The following RILPL2 variants were observed in gnomAD, a reference collection of about 807,000 sequenced individuals.
RILPL2 encodes RILP-like protein 2.
In RILPL2, 19 loss-of-function variants were observed where a neutral mutation model predicts 22.2. The observed-to-expected ratio is 0.86, with a 90% CI of 0.60 to 1.25. RILPL2 has a LOEUF of 1.25. RILPL2 is among the 50% of genes most tolerant of loss of function. The pLI is 0.00. For synonymous variants in RILPL2, 123 were observed against 111.6 expected, an observed-to-expected ratio of 1.10 and a Z score of -0.64; for missense variants, 243 against 263.6, an observed-to-expected ratio of 0.92 and a Z score of 0.54.
At chr12:123,410,651 T>A (rs1878946240), downstream of RILPL2, 2 of 151,656 alleles carry the variant, frequency 1.3e-5, no homozygotes, top group South Asian at 4.1e-4. Flanking sequence ...TTTCCCTCCC[T>A]GTAACATGGA....
chr12:123,432,728 TG>T (rs140130578), intron 1 of RILPL2, among the ~76,000 whole-genome samples: 3,228 of 152,262 alleles, frequency 0.021, 133 homozygotes, highest in African/African-American at 0.073. Flanking sequence ...CGGCTCATAA[TG>T]GGGACTTCCT....
Position 123,436,481 on chromosome 12 carries a change from T to C in RILPL2, c.-61A>G. 6.6e-7 allele frequency: 1 copy of C among 1,506,766 alleles called. No individual in the cohort carries two copies. Among genetic ancestry groups the C allele is most frequent in the Non-Finnish European group, 8.9e-7 (1 of 1,129,480 alleles). 93.3% of individuals were successfully genotyped at this position (1,506,766 alleles called of 1,614,324 possible). A position where few individuals can be genotyped will look rare whatever the true frequency, so the allele number is the denominator to read the frequency against. ...TCTTGGAGTCTCCCAAAGGTTAGACTTCCTCCCGGCACCCAAAACTTTCCG... is the reference window on the plus strand; with the variant it reads ...TCTTGGAGTCTCCCAAAGGTTAGACCTCCTCCCGGCACCCAAAACTTTCCG... On this transcript the variant is annotated 5_prime_UTR_variant, in exon 1 of 4. Coordinates refer to ENST00000280571, the MANE Select transcript of RILPL2 (RefSeq NM_145058.3). This position sits in a 1 kb window ranked among gnomAD's most constrained non-coding sequence, Gnocchi z 6.7.
rs1879781825 is a variant in RILPL2, at chr12:123,435,981, A to G, written c.339+101T>C. ...CATCTCTTAAAAAAAGAAAAAAGAG[A>G]AAAGAGAAGAGAAAAGAAAAGGAAG... On this transcript the variant is annotated intron_variant, in intron 1 of 3. Coordinates refer to ENST00000280571, the MANE Select transcript of RILPL2 (RefSeq NM_145058.3). 3 of 1,432,214 alleles carry G rather than the reference A, an allele frequency of 2.1e-6. No individual in the cohort carries two copies. The Admixed American group carries it at 8.3e-5, about 40-fold the overall frequency. 88.7% of individuals were successfully genotyped at this position (1,432,214 alleles called of 1,614,324 possible).
downstream of RILPL2, chr12:123,413,641 G>A (rs28886709): frequency 0.3 from 45,426 of 152,116 alleles, 8,579 homozygotes; most frequent in East Asian, 0.7. Flanking sequence ...TCCACAATGC[G>A]GAAAGGAACC....
intron 2 of RILPL2, among the ~76,000 whole-genome samples, 193 bp downstream of exon 2, chr12:123,430,315 A>C (rs1328976191): frequency 1.3e-5 from 2 of 151,510 alleles, no homozygotes; most frequent in East Asian, 3.9e-4. Flanking sequence ...AGGCTGAGGC[A>C]GGAGAATGGC....
intron 3 of RILPL2, among the ~76,000 whole-genome samples, chr12:123,420,729 G>A (rs919952512): frequency 4.6e-5 from 7 of 152,098 alleles, no homozygotes; most frequent in African/African-American, 1.2e-4. Flanking sequence ...CAGCCACTGC[G>A]CCCGGTCGAG....
rs1367873672 is a variant in RILPL2 at position 123,436,345 on chromosome 12, C to G, written c.76G>C (p.Glu26Gln). The change falls in exon 1 of 4, where the codon GAG becomes CAG. Residue 26 changes from glutamate to glutamine, a missense_variant. Transcript: ENST00000280571. This position sits in a 1 kb window ranked among gnomAD's most constrained non-coding sequence, Gnocchi z 6.7. Reference sequence around the variant, plus strand: ...AAGGGGCTCTTGCCCAGCGCCCCCTCGGGCCCAACCTCGTCCCTCTCCTCG... The same window carrying G: ...AAGGGGCTCTTGCCCAGCGCCCCCTGGGGCCCAACCTCGTCCCTCTCCTCG... ...EDEERDEVGPEGALGKSPFQL... is the reference protein window; with the variant it reads ...EDEERDEVGPQGALGKSPFQL... 1.3e-6 allele frequency: 2 copies of G among 1,562,856 alleles called. No individual in the cohort carries two copies. Among genetic ancestry groups the G allele is most frequent in the Non-Finnish European group, 8.7e-7 (1 of 1,153,660 alleles).
intron 2 of RILPL2, among the ~76,000 whole-genome samples, chr12:123,426,893 C>T (rs892027654): frequency 7.3e-5 from 11 of 151,674 alleles, no homozygotes; most frequent in Non-Finnish European, 1.0e-4. Flanking sequence ...TGAGCCACCG[C>T]GGCCAGCCGA....
Position 123,415,656 on chromosome 12 carries a change from T to G in RILPL2, c.*235A>C. On this transcript the variant is annotated 3_prime_UTR_variant, in exon 4 of 4. Coordinates refer to ENST00000280571, the MANE Select transcript of RILPL2 (RefSeq NM_145058.3). ...CCCCCACCCTGCACATCCCTTCTGTTTTTCTTGATTTCAGTCTCACTGGCC... is the reference window on the plus strand; with the variant it reads ...CCCCCACCCTGCACATCCCTTCTGTGTTTCTTGATTTCAGTCTCACTGGCC... 1.6e-6 allele frequency: 1 copy of G among 630,030 alleles called. No homozygotes were observed. The allele number at this position is 630,030 out of a possible 1,614,324, so 39.0% of individuals were successfully genotyped here.
downstream of RILPL2, chr12:123,410,629 C>G (rs1178945806): frequency 2.0e-5 from 3 of 151,704 alleles, no homozygotes; most frequent in Admixed American, 2.0e-4. Context: ...ACGTAGTCTC[C>G]TTGTGCGTCA....
At chr12:123,432,088 G>A (rs1360097717) in intron 1 of RILPL2, among the ~76,000 whole-genome samples, 1 of 151,848 alleles carries the variant, frequency 6.6e-6, no homozygotes, top group African/African-American at 2.4e-5. Context: ...TAGAAACAGG[G>A]TTTCACCATG....
At chr12:123,423,203 GTT>G (rs71085902) in intron 2 of RILPL2, 46 bp from the exon 3 acceptor site, 8,548 of 810,700 alleles carry the variant, frequency 0.011, no homozygotes, top group South Asian at 0.012. Flanking sequence ...ATTACAGATC[GTT>G]TTTTTTTTTT....
rs763673637 is a variant in RILPL2 at position 123,436,137 on chromosome 12, T to A, written c.284A>T (p.His95Leu). The part of the protein sequence containing the change: ...ALEELKMERD[H>L]LRKEVEGLRR... ...CAGCCCCTCCACCTCCTTCCTGAGG[T>A]GGTCCCTCTCCATCTTCAGCTCCTC... The change falls in exon 1 of 4, where the codon CAC (histidine) becomes CTC (leucine). Residue 95 changes from histidine (H) to leucine (L), a missense_variant. Transcript: ENST00000280571. The surrounding 1 kb of genome is among the most constrained non-coding windows in gnomAD (Gnocchi z 6.7). 1 of 1,598,312 alleles carries A rather than the reference T, an allele frequency of 6.3e-7. No individual in the cohort carries two copies. Among genetic ancestry groups the A allele is most frequent in the Non-Finnish European group, 8.5e-7 (1 of 1,173,136 alleles).
At chr12:123,428,587 T>C (rs1879509529) in intron 2 of RILPL2, among the ~76,000 whole-genome samples, 1 of 152,228 alleles carries the variant, frequency 6.6e-6, no homozygotes, top group Non-Finnish European at 1.5e-5. Flanking sequence ...AAGAATCATA[T>C]CACTTGGGCT....
At position 123,423,209 on chromosome 12, in the gene RILPL2, T is replaced by TG. The variant is rs761325322; in HGVS notation, c.492-53_492-52insC. The stretch of plus-strand genomic sequence containing the variant: ...GATTATTTTATTACAGATCGTTTTT[T>TG]TTTTTTTTTTGAGTTGGAGTCTTTC... On this transcript the variant is annotated intron_variant, in intron 2 of 3. Coordinates refer to ENST00000280571, the MANE Select transcript of RILPL2 (RefSeq NM_145058.3). 3.8e-6 allele frequency: 5 copies of TG among 1,313,400 alleles called. No individual in the cohort carries two copies. In the South Asian group the frequency reaches 5.2e-5, roughly 14 times the overall value. The allele number at this position is 1,313,400 out of a possible 1,614,324, so 81.4% of individuals were successfully genotyped here.
Position 123,436,536 on chromosome 12 carries a change from C to G in RILPL2, c.-116G>C. 6.9e-7 allele frequency: 1 copy of G among 1,446,556 alleles called. No homozygotes were observed. 89.6% of individuals were successfully genotyped at this position (1,446,556 alleles called of 1,614,324 possible). A position where few individuals can be genotyped will look rare whatever the true frequency, so the allele number is the denominator to read the frequency against. On this transcript the variant is annotated 5_prime_UTR_variant, in exon 1 of 4. Coordinates refer to ENST00000280571, the MANE Select transcript of RILPL2 (RefSeq NM_145058.3). The surrounding 1 kb of genome is among the most constrained non-coding windows in gnomAD (Gnocchi z 6.7). The stretch of plus-strand genomic sequence containing the variant: ...GCAGAGTCCCTACCTGCCCAATCAG[C>G]GCGGCCCGGGGGTGGGCCCGGGGGG...
chr12:123,414,970 C>G (rs1192259254), downstream of RILPL2: 1 of 149,926 alleles, frequency 6.7e-6, no homozygotes, highest in Non-Finnish European at 1.5e-5. Context: ...ACTGGTGCAC[C>G]GGTACCGGTC....
chr12:123,426,242 G>A (rs1879439285), intron 2 of RILPL2, among the ~76,000 whole-genome samples: 1 of 152,026 alleles, frequency 6.6e-6, no homozygotes, highest in Non-Finnish European at 1.5e-5. Context: ...TCCGCCTCCT[G>A]GGTTCAAGTG....
intron 2 of RILPL2, among the ~76,000 whole-genome samples, chr12:123,427,338 A>T (rs1408143020): frequency 6.6e-6 from 1 of 152,010 alleles, no homozygotes; most frequent in Non-Finnish European, 1.5e-5. Context: ...CCTCTTACCA[A>T]CTTAACCCCA....
Sources: gnomAD v4.1 joint callset for allele counts (sites outside exome capture counted in the v4.1 genomes callset) on GRCh38, gnomAD v4.1.1 for gene constraint, Gnocchi (gnomAD v3.1) non-coding constraint, MANE v1.5 for transcripts, NCBI Gene and HGNC (gene_info 2026-07-23, HGNC 2026-07-21) for gene names.